The following MME variants were observed in gnomAD, a reference collection of about 807,000 sequenced individuals.
The protein encoded by MME is neprilysin.
MME carries 98 observed loss-of-function variants against 113.2 expected under a neutral mutation model. That is an observed-to-expected ratio of 0.87 (90% CI 0.74 to 1.02). MME has a LOEUF of 1.02. Ranked by LOEUF, MME falls within the 50% of genes least tolerant of loss-of-function variation. MME has a pLI of 0.00. For synonymous variants in MME, 292 were observed against 300.6 expected (o/e 0.97, Z 0.30); for missense variants, 836 against 896.0 (o/e 0.93, Z 0.86).
upstream of MME, among the ~76,000 whole-genome samples, chr3:155,077,214 A>G (rs1405033333): frequency 2.0e-5 from 3 of 152,160 alleles, no homozygotes; most frequent in Non-Finnish European, 4.4e-5. Context: ...TGCATATAAA[A>G]ATGCACTATA....
rs913545740 is a variant in MME at position 155,064,057 on chromosome 3, G to A, written c.-10-20101G>A. 4.6e-5 allele frequency among the ~76,000 whole-genome samples: 7 copies of A among 152,042 alleles called. No homozygotes were observed. The South Asian group carries it at 8.3e-4, about 18-fold the overall frequency. On this transcript the variant is annotated intron_variant, in intron 1 of 22. Transcript: ENST00000492661. The stretch of plus-strand genomic sequence containing the variant: ...TGTAATCTCAGCACTTTGGGAGGCC[G>A]AGGTGAGTGGATCACCTGAGGTCAG...
At chr3:155,148,134 G>A (rs906091825) in intron 15 of MME, among the ~76,000 whole-genome samples, 48 of 151,826 alleles carry the variant, frequency 3.2e-4, no homozygotes, top group Admixed American at 1.2e-3. Context: ...TTAGTTCATC[G>A]GTATTAAATG....
intron 16 of MME, among the ~76,000 whole-genome samples, chr3:155,149,306 C>CT (rs1339944465): frequency 6.6e-6 from 1 of 152,094 alleles, no homozygotes; most frequent in Non-Finnish European, 1.5e-5. Flanking sequence ...CTTATGTTGA[C>CT]TTTTTCTCCC....
chr3:155,143,650 T>C (rs1721296694), intron 13 of MME, 79 bp downstream of exon 13: 5 of 1,532,396 alleles, frequency 3.3e-6, no homozygotes, highest in Non-Finnish European at 4.5e-6. Flanking sequence ...ATTACAGTTC[T>C]CCATCATTTG....
At chr3:155,158,943 T>C (rs1559957447) in intron 16 of MME, 2 of 152,014 alleles carry the variant, frequency 1.3e-5, no homozygotes, top group Non-Finnish European at 2.9e-5. Context: ...AAGAAACATG[T>C]TGATCAATCA....
intron 3 of MME, among the ~76,000 whole-genome samples, chr3:155,108,422 C>T (rs1559922222): frequency 1.3e-5 from 2 of 151,884 alleles, no homozygotes; most frequent in Admixed American, 6.6e-5. Flanking sequence ...ATGGGGAAAC[C>T]CCGTCTCTAC....
intron 8 of MME, among the ~76,000 whole-genome samples, chr3:155,133,708 G>GTA (rs60112226): frequency 0.019 from 2,511 of 134,166 alleles, 78 homozygotes; most frequent in African/African-American, 0.064. Context: ...TATAGTGTGT[G>GTA]TATATATATG....
chr3:155,150,187 T>C (rs1444754772), intron 16 of MME, among the ~76,000 whole-genome samples: 1 of 152,212 alleles, frequency 6.6e-6, no homozygotes, highest in Non-Finnish European at 1.5e-5. Context: ...AATTAACCAG[T>C]ACCCATAGGA....
chr3:155,051,212 T>C (rs145487943), intron 1 of MME, among the ~76,000 whole-genome samples: 85 of 152,270 alleles, frequency 5.6e-4, no homozygotes, highest in Non-Finnish European at 1.1e-3. Context: ...AGATTACATG[T>C]GTAACTCAAT....
intron 17 of MME, among the ~76,000 whole-genome samples, chr3:155,161,472 T>TA (rs931802789): frequency 2.0e-5 from 3 of 152,076 alleles, no homozygotes; most frequent in African/African-American, 7.2e-5. Context: ...TTAGAAATTA[T>TA]AAAAAATCTT....
At chr3:155,046,034 G>A (rs748853574) in intron 1 of MME, among the ~76,000 whole-genome samples, 3 of 152,032 alleles carry the variant, frequency 2.0e-5, no homozygotes, top group African/African-American at 4.8e-5. Context: ...CACCAAATTT[G>A]GGGAATTTTA....
In MME at chr3:155,084,298, C is replaced by A. The variant is rs1062488; in HGVS notation, c.131C>A (p.Thr44Lys). 3.7e-6 allele frequency: 6 copies of A among 1,614,188 alleles called. No individual in the cohort carries two copies. The East Asian group carries it at 1.3e-4, about 36-fold the overall frequency. ...CTGCTCCTCACCATCATAGCTGTGA[C>A]AATGATCGCACTCTATGCAACCTAC... ...LVLLLTIIAV[T>K]MIALYATYDD... Residue 44 changes from threonine to lysine, a missense_variant, in exon 2 of 23, where the codon ACA becomes AAA. Physicochemically the swap from Thr to Lys is moderately conservative, Grantham distance 78. Coordinates refer to ENST00000360490, the MANE Select transcript of MME (RefSeq NM_007289.4).
intron 16 of MME, among the ~76,000 whole-genome samples, chr3:155,156,666 T>C (rs183794512): frequency 2.6e-5 from 4 of 152,212 alleles, no homozygotes; most frequent in East Asian, 3.9e-4. Context: ...TGAGAGAATA[T>C]TGATAATTGT....
At chr3:155,170,489 G>A in intron 20 of MME, among the ~76,000 whole-genome samples, 1 of 152,206 alleles carries the variant, frequency 6.6e-6, no homozygotes, top group East Asian at 1.9e-4. Flanking sequence ...GATGGGGACA[G>A]TGTTCAGTCT....
intron 12 of MME, 48 bp from the exon 13 acceptor site, chr3:155,143,395 C>T (rs1190451018): frequency 1.9e-6 from 3 of 1,602,362 alleles, no homozygotes; most frequent in Non-Finnish European, 2.6e-6. Context: ...TAACATGCTC[C>T]AGACCTTTCC....
At chr3:155,070,444 T>C (rs763362249) in intron 1 of MME, among the ~76,000 whole-genome samples, 4 of 152,204 alleles carry the variant, frequency 2.6e-5, no homozygotes, top group Admixed American at 1.3e-4. Context: ...AGTGTTCTTT[T>C]TGCTTGGACT....
In MME at chr3:155,118,743, T is replaced by C. The variant is rs1267955410; in HGVS notation, c.655-3T>C. ...TATTTTCTTTTATGTATATTTTTTA[T>C]AGATTGACCAACCTCGACTTGGCCT... On this transcript the variant is annotated splice_region_variant and splice_polypyrimidine_tract_variant and intron_variant, in intron 7 of 22. Coordinates refer to ENST00000360490, the MANE Select transcript of MME (RefSeq NM_007289.4). The C allele has an allele frequency of 1.3e-6, 2 of 1,571,952 alleles. No homozygotes were observed. The highest frequency in any genetic ancestry group is 3.4e-5 in the Admixed American group (2 of 59,456).
chr3:155,118,065 T>C (rs993213662), intron 7 of MME, among the ~76,000 whole-genome samples: 1 of 152,184 alleles, frequency 6.6e-6, no homozygotes, highest in African/African-American at 2.4e-5. Flanking sequence ...AGCGCAAAAC[T>C]GAGTTTCCTC....
upstream of MME, among the ~76,000 whole-genome samples, chr3:155,075,775 C>G (rs1258829312): frequency 6.6e-6 from 1 of 152,162 alleles, no homozygotes; most frequent in Non-Finnish European, 1.5e-5. Context: ...CCTGCCTCAG[C>G]CTCCTGAGTA....
Sources: allele counts gnomAD v4.1 joint callset (sites outside exome capture counted in the v4.1 genomes callset), GRCh38; gene constraint gnomAD v4.1.1; transcripts MANE v1.5; gene names NCBI Gene and HGNC (gene_info 2026-07-23, HGNC 2026-07-21).